Variants in SCLT1 observed in about 807,000 individuals in gnomAD.
SCLT1 encodes sodium channel and clathrin linker 1.
A neutral mutation model predicts 112.8 loss-of-function variants in SCLT1; 78 were observed. The observed-to-expected ratio is 0.69, with a 90% confidence interval of 0.58 to 0.83. The LOEUF is 0.83. SCLT1 is among the 40% of genes least tolerant of loss of function. The pLI is 0.00. For synonymous variants in SCLT1, 257 were observed against 254.7 expected (o/e 1.01, Z -0.09); for missense variants, 747 against 770.4 (o/e 0.97, Z 0.36).
intron 5 of SCLT1, among the ~76,000 whole-genome samples, chr4:129,005,656 G>C (rs867404287): frequency 1.4e-4 from 22 of 152,128 alleles, no homozygotes; most frequent in South Asian, 6.2e-4. Flanking sequence ...CCCAGCCATT[G>C]CATTACTGGG....
chr4:128,941,436 T>A (rs1737686648), intron 17 of SCLT1, among the ~76,000 whole-genome samples: 1 of 152,118 alleles, frequency 6.6e-6, no homozygotes, highest in African/African-American at 2.4e-5. Context: ...TATATGCTAT[T>A]TTATGAAGTG....
At chr4:129,000,374 G>T (rs561353696) in intron 6 of SCLT1, among the ~76,000 whole-genome samples, 2 of 151,566 alleles carry the variant, frequency 1.3e-5, no homozygotes, top group Non-Finnish European at 2.9e-5. Context: ...CAATATAGTG[G>T]GCTATTTTTA....
At chr4:128,887,475 A>G (rs915376007) in intron 20 of SCLT1, among the ~76,000 whole-genome samples, 8 of 152,172 alleles carry the variant, frequency 5.3e-5, no homozygotes, top group African/African-American at 1.9e-4. Flanking sequence ...TATGTATAAA[A>G]TGCTGTAATA....
intron 2 of SCLT1, among the ~76,000 whole-genome samples, chr4:129,073,542 C>T (rs911243200): frequency 6.6e-6 from 1 of 152,066 alleles, no homozygotes; most frequent in African/African-American, 2.4e-5. Flanking sequence ...TATGGGTTTC[C>T]TGATTGTTAC....
intron 18 of SCLT1, among the ~76,000 whole-genome samples, chr4:128,891,862 C>G (rs1733352844): frequency 1.3e-5 from 2 of 152,040 alleles, no homozygotes. Flanking sequence ...CAAGGTTGGT[C>G]TTGAACTCCT....
chr4:128,994,111 C>G (rs545402519), intron 8 of SCLT1, among the ~76,000 whole-genome samples: 24 of 152,134 alleles, frequency 1.6e-4, no homozygotes, highest in Admixed American at 2.6e-4. Context: ...TACAATATTG[C>G]ACAGATCTCT....
chr4:128,983,135 G>A (rs902834269), intron 9 of SCLT1, among the ~76,000 whole-genome samples: 2 of 152,100 alleles, frequency 1.3e-5, no homozygotes, highest in South Asian at 2.1e-4. Context: ...TGATCCGCCC[G>A]CCTCAGCCTC....
chr4:129,075,734 C>T (rs796886), intron 2 of SCLT1, among the ~76,000 whole-genome samples: 81,376 of 151,906 alleles, frequency 0.54, 24,636 homozygotes, highest in South Asian at 0.68. Context: ...TGGACAGTGC[C>T]GGTCTAGAAA....
At chr4:128,948,160 C>T (rs374365825) in intron 15 of SCLT1, among the ~76,000 whole-genome samples, 1 of 151,238 alleles carries the variant, frequency 6.6e-6, no homozygotes, top group Non-Finnish European at 1.5e-5. Flanking sequence ...ATGGTGAAAC[C>T]CCATCTCTAC....
intron 5 of SCLT1, among the ~76,000 whole-genome samples, chr4:129,005,484 T>G (rs1263095681): frequency 6.6e-6 from 1 of 152,076 alleles, no homozygotes; most frequent in Non-Finnish European, 1.5e-5. Flanking sequence ...TCACACCAGT[T>G]AGAATGGCAA....
At chr4:129,055,499 C>A (rs1023191317) in intron 2 of SCLT1, among the ~76,000 whole-genome samples, 1 of 152,192 alleles carries the variant, frequency 6.6e-6, no homozygotes, top group Admixed American at 6.5e-5. Context: ...TCTAGAGAGG[C>A]ATTCTGGCCA....
At chr4:129,025,561 G>C (rs1745977137) in intron 5 of SCLT1, among the ~76,000 whole-genome samples, 1 of 152,064 alleles carries the variant, frequency 6.6e-6, no homozygotes, top group Non-Finnish European at 1.5e-5. Flanking sequence ...ACTAAACATG[G>C]AAAGGAACAA....
intron 18 of SCLT1, among the ~76,000 whole-genome samples, chr4:128,897,123 C>G (rs1733835278): frequency 6.6e-6 from 1 of 152,156 alleles, no homozygotes; most frequent in South Asian, 2.1e-4. Flanking sequence ...AGGAGAACTT[C>G]CCCAATCTAG....
intron 2 of SCLT1, among the ~76,000 whole-genome samples, chr4:129,053,327 G>A (rs543224523): frequency 1.9e-3 from 285 of 152,050 alleles, no homozygotes; most frequent in Non-Finnish European, 3.6e-3. Flanking sequence ...TTGACAGTGG[G>A]GTGTTAAAGT....
intron 2 of SCLT1, among the ~76,000 whole-genome samples, chr4:129,044,829 A>T (rs1395905623): frequency 1.5e-5 from 2 of 135,256 alleles, no homozygotes; most frequent in African/African-American, 6.4e-5. Flanking sequence ...AATCTCACCA[A>T]AAAAAAAAAA....
chr4:129,092,599 A>G lies in SCLT1; in HGVS notation c.34+471T>C, dbSNP rs893840946. Among the ~76,000 whole-genome samples the G allele has an allele frequency of 3.3e-5, 5 of 152,334 alleles. No homozygotes were observed. In the South Asian group the frequency reaches 6.2e-4, roughly 19 times the overall value. ...AGAGCCAGCAGTTGCTGTCACTTCA[A>G]TATATTTTGGAATACATTTCCCTCC... is the stretch of plus-strand genomic sequence containing the variant. On this transcript the variant is annotated intron_variant, in intron 1 of 20. Coordinates refer to ENST00000281142, the MANE Select transcript of SCLT1 (RefSeq NM_144643.4).
chr4:129,074,478 T>C (rs529198722), intron 2 of SCLT1, among the ~76,000 whole-genome samples: 1 of 152,252 alleles, frequency 6.6e-6, no homozygotes, highest in East Asian at 1.9e-4. Flanking sequence ...CATTTGCTAG[T>C]GAAACTTTTA....
intron 2 of SCLT1, among the ~76,000 whole-genome samples, chr4:129,081,155 C>T (rs916231370): frequency 6.6e-6 from 1 of 152,186 alleles, no homozygotes; most frequent in African/African-American, 2.4e-5. Context: ...TAGACACACA[C>T]CTTTGCTCAA....
intron 14 of SCLT1, among the ~76,000 whole-genome samples, chr4:128,950,380 T>G (rs1738619105): frequency 1.3e-5 from 2 of 151,862 alleles, no homozygotes; most frequent in Non-Finnish European, 2.9e-5. Flanking sequence ...AACCTGGGGG[T>G]AAAAAAGGTA....
Sources: gnomAD v4.1 joint callset for allele counts (sites outside exome capture counted in the v4.1 genomes callset) on GRCh38, gnomAD v4.1.1 for gene constraint, MANE v1.5 for transcripts, NCBI Gene and HGNC (gene_info 2026-07-23, HGNC 2026-07-21) for gene names.